The following WDR70 variants were observed in gnomAD, a reference collection of about 807,000 sequenced individuals.
The protein encoded by WDR70 is WD repeat domain 70.
In WDR70, 53 loss-of-function variants were observed where a neutral mutation model predicts 88.6. The ratio of observed to expected loss-of-function variants is 0.60; its 90% confidence interval spans 0.48 to 0.75. WDR70 has a LOEUF of 0.75. Ranked by LOEUF, WDR70 falls within the 30% of genes least tolerant of loss-of-function variation. WDR70 has a pLI of 0.00. For missense variants in WDR70, 610 were observed against 823.2 expected, an observed-to-expected ratio of 0.74 and a Z score of 3.17; for synonymous variants, 280 against 270.0, an observed-to-expected ratio of 1.04 and a Z score of -0.36.
At chr5:37,561,028 C>T (rs904272925) in intron 9 of WDR70, among the ~76,000 whole-genome samples, 2 of 151,642 alleles carry the variant, frequency 1.3e-5, no homozygotes, top group African/African-American at 4.9e-5. Flanking sequence ...CCATGTGGTA[C>T]ACCTATGACT....
chr5:37,669,400 T>TAAAA (rs68145326), intron 10 of WDR70, among the ~76,000 whole-genome samples: 1 of 149,188 alleles, frequency 6.7e-6, no homozygotes, highest in Admixed American at 6.6e-5. Flanking sequence ...ATCTTTTTTT[T>TAAAA]AAAAAAAAAA....
At chr5:37,432,048 C>T (rs1357848241) in intron 5 of WDR70, among the ~76,000 whole-genome samples, 1 of 152,188 alleles carries the variant, frequency 6.6e-6, no homozygotes. Context: ...ACTCTGCTTT[C>T]AATTCTTTTG....
rs532300540 is a variant in WDR70 at position 37,750,087 on chromosome 5, C to T, written c.1878-2399C>T. On this transcript the variant is annotated intron_variant, in intron 17 of 17. Coordinates refer to ENST00000265107, the MANE Select transcript of WDR70 (RefSeq NM_018034.4). Reference sequence around the variant, plus strand: ...ACAAATGCATACACCTGTTAATCACCATTTCTGTCAAGATTATAGAACATT... The same window carrying T: ...ACAAATGCATACACCTGTTAATCACTATTTCTGTCAAGATTATAGAACATT... Among the ~76,000 whole-genome samples, 32 of 152,206 alleles carry T rather than the reference C, an allele frequency of 2.1e-4. No homozygotes were observed. In the South Asian group the frequency reaches 3.3e-3, roughly 16 times the overall value.
At chr5:37,555,740 A>T (rs193214596) in intron 9 of WDR70, among the ~76,000 whole-genome samples, 1 of 151,802 alleles carries the variant, frequency 6.6e-6, no homozygotes, top group Non-Finnish European at 1.5e-5. Flanking sequence ...TGTTTTTGAG[A>T]TGGAGTCTTG....
At chr5:37,559,319 C>T (rs538426269) in intron 9 of WDR70, among the ~76,000 whole-genome samples, 4 of 152,264 alleles carry the variant, frequency 2.6e-5, no homozygotes, top group African/African-American at 9.6e-5. Context: ...CATAATTTAT[C>T]ATATCGAATT....
chr5:37,571,127 T>C (rs1254369306), intron 9 of WDR70, among the ~76,000 whole-genome samples: 1 of 152,150 alleles, frequency 6.6e-6, no homozygotes, highest in African/African-American at 2.4e-5. Context: ...GAAAGCTTGA[T>C]TTTGAATATG....
chr5:37,476,883 C>T (rs1196697422), intron 7 of WDR70, among the ~76,000 whole-genome samples: 1 of 152,144 alleles, frequency 6.6e-6, no homozygotes, highest in Non-Finnish European at 1.5e-5. Flanking sequence ...GTCACATAGG[C>T]TGGAGTGTAG....
chr5:37,620,575 A>G (rs1027684793), intron 10 of WDR70, among the ~76,000 whole-genome samples: 1 of 152,196 alleles, frequency 6.6e-6, no homozygotes, highest in Non-Finnish European at 1.5e-5. Context: ...TGAAACTGAA[A>G]AAGGAGTTAA....
Position 37,707,086 on chromosome 5 carries a change from G to T in WDR70, c.1416+3999G>T, listed in dbSNP as rs1004279253. Among the ~76,000 whole-genome samples the T allele has an allele frequency of 2.6e-5, 4 of 152,208 alleles. No individual in the cohort carries two copies. The South Asian group carries it at 8.3e-4, about 32-fold the overall frequency. On this transcript the variant is annotated intron_variant, in intron 13 of 17. Transcript: ENST00000265107. ...CTTAAGAGCCAGTATTTAGGGAAAT[G>T]TTCTGAAATAACAATATTATTAGCT...
In WDR70 at chr5:37,455,636, C is replaced by CTTTTTTTTTTTTTT. The variant is rs59254502; in HGVS notation, c.686+12270_686+12283dup. 2.8e-3 allele frequency among the ~76,000 whole-genome samples: 200 copies of CTTTTTTTTTTTTTT among 70,400 alleles called. 16 individuals are homozygous for CTTTTTTTTTTTTTT. Among genetic ancestry groups the CTTTTTTTTTTTTTT allele is most frequent in the Middle Eastern group, 0.023 (1 of 44 alleles). The allele number at this position is 70,400 out of a possible 152,430, so 46.2% of individuals were successfully genotyped here. ...TTCTCTCGGGTCCAGTTCTCTTTAT[C>CTTTTTTTTTTTTTT]TTTTTTTTTTTTTTTTTTTGCCACA... On this transcript the variant is annotated intron_variant, in intron 7 of 17. Coordinates refer to ENST00000265107, the MANE Select transcript of WDR70 (RefSeq NM_018034.4).
chr5:37,512,765 T>C (rs1157038099), intron 8 of WDR70, among the ~76,000 whole-genome samples: 1 of 151,708 alleles, frequency 6.6e-6, no homozygotes, highest in Non-Finnish European at 1.5e-5. Flanking sequence ...TTCTTTTTTT[T>C]GTAGAGATGG....
At chr5:37,673,099 G>A (rs1746080294) in intron 10 of WDR70, among the ~76,000 whole-genome samples, 1 of 151,936 alleles carries the variant, frequency 6.6e-6, no homozygotes, top group African/African-American at 2.4e-5. Flanking sequence ...TCCCGTCTGC[G>A]TGTCCATGTG....
At chr5:37,425,395 C>A (rs1448402119) in intron 5 of WDR70, among the ~76,000 whole-genome samples, 1 of 152,170 alleles carries the variant, frequency 6.6e-6, no homozygotes, top group African/African-American at 2.4e-5. Flanking sequence ...CAAGTTAGGC[C>A]TCCTTCAGAA....
In WDR70 at chr5:37,415,635, G is replaced by A. The variant is rs1164693713; in HGVS notation, c.492+19065G>A. ...GGCTGACCCCCCCCACCTCCCTCCC[G>A]GACGGGGCGGCTGGCCGGGCGGGGG... is the stretch of plus-strand genomic sequence containing the variant. On this transcript the variant is annotated intron_variant, in intron 5 of 17. Transcript: ENST00000265107. Among the ~76,000 whole-genome samples, 380 of 147,262 alleles carry A rather than the reference G, an allele frequency of 2.6e-3. 1 individual carries two copies. Among genetic ancestry groups the A allele is most frequent in the African/African-American group, 8.8e-3 (355 of 40,354 alleles).
At chr5:37,594,760 C>T (rs1454601158) in intron 9 of WDR70, among the ~76,000 whole-genome samples, 1 of 152,120 alleles carries the variant, frequency 6.6e-6, no homozygotes, top group African/African-American at 2.4e-5. Context: ...GTTGATTATT[C>T]CTATCCATGA....
At chr5:37,389,727 C>G (rs1446268439) in intron 3 of WDR70, among the ~76,000 whole-genome samples, 2 of 152,232 alleles carry the variant, frequency 1.3e-5, no homozygotes, top group African/African-American at 2.4e-5. Context: ...ATTCTTAAAT[C>G]TGGACACTGC....
intron 12 of WDR70, among the ~76,000 whole-genome samples, chr5:37,701,532 G>A (rs1747162032): frequency 6.6e-6 from 1 of 152,146 alleles, no homozygotes; most frequent in African/African-American, 2.4e-5. Flanking sequence ...GCTCATGCCT[G>A]TAATCCCAGC....
chr5:37,524,655 C>T (rs542345429), intron 9 of WDR70, among the ~76,000 whole-genome samples: 2 of 152,226 alleles, frequency 1.3e-5, no homozygotes, highest in South Asian at 2.1e-4. Context: ...TGTAAATGGG[C>T]TAAATGCTCC....
chr5:37,415,380 TC>T (rs1749676079), intron 5 of WDR70, among the ~76,000 whole-genome samples: 1 of 127,998 alleles, frequency 7.8e-6, no homozygotes, highest in African/African-American at 2.6e-5. Flanking sequence ...ACCCCTCACC[TC>T]CCGGACGGGG....
Sources: gnomAD v4.1 joint callset for allele counts (sites outside exome capture counted in the v4.1 genomes callset) on GRCh38, gnomAD v4.1.1 for gene constraint, MANE v1.5 for transcripts, NCBI Gene and HGNC (gene_info 2026-07-23, HGNC 2026-07-21) for gene names.